Variants in XRCC4 observed in about 807,000 individuals in gnomAD.
XRCC4 encodes X-ray repair cross complementing 4, also known as DNA repair protein XRCC4.
A neutral mutation model predicts 39.1 loss-of-function variants in XRCC4; 28 were observed. The observed-to-expected ratio is 0.72, with a 90% CI of 0.53 to 0.98. XRCC4 has a LOEUF of 0.98. XRCC4 is among the 50% of genes least tolerant of loss of function. The pLI, the probability that XRCC4 is intolerant of heterozygous loss-of-function variation, is 0.00. For synonymous variants in XRCC4, 123 were observed against 126.4 expected (o/e 0.97, Z 0.18); for missense variants, 350 against 376.4 (o/e 0.93, Z 0.58).
At chr5:83,104,154 G>A (rs142908397) in intron 1 of XRCC4, among the ~76,000 whole-genome samples, 352 of 152,242 alleles carry the variant, frequency 2.3e-3, no homozygotes, top group Middle Eastern at 6.8e-3. Context: ...TGTCTCAGTG[G>A]ATAGGGTGTT....
intron 7 of XRCC4, among the ~76,000 whole-genome samples, chr5:83,341,737 C>A (rs1026092274): frequency 1.3e-5 from 2 of 152,106 alleles, no homozygotes; most frequent in East Asian, 3.8e-4. Context: ...GCTCCATTAC[C>A]GACTTGACTG....
intron 6 of XRCC4, among the ~76,000 whole-genome samples, chr5:83,212,432 G>T (rs1349936184): frequency 2.0e-5 from 3 of 151,980 alleles, no homozygotes; most frequent in African/African-American, 7.2e-5. Flanking sequence ...GAGCAAAAAA[G>T]ATGGAAGAGA....
chr5:83,326,112 C>A (rs1417984729), intron 7 of XRCC4, among the ~76,000 whole-genome samples: 1 of 151,952 alleles, frequency 6.6e-6, no homozygotes, highest in Non-Finnish European at 1.5e-5. Context: ...TGTTTCTTCC[C>A]TGTAAATGTG....
At chr5:83,132,353 T>C (rs952270224) in intron 3 of XRCC4, among the ~76,000 whole-genome samples, 15 of 152,104 alleles carry the variant, frequency 9.9e-5, no homozygotes, top group African/African-American at 3.6e-4. Context: ...CTGACAATTA[T>C]GTGTCTTGGT....
At chr5:83,323,974 G>A (rs1267822709) in intron 7 of XRCC4, among the ~76,000 whole-genome samples, 2 of 152,050 alleles carry the variant, frequency 1.3e-5, no homozygotes, top group Non-Finnish European at 2.9e-5. Context: ...GTTTATATCA[G>A]TTTCACTTCA....
chr5:83,270,058 G>C (rs757778291), intron 7 of XRCC4, among the ~76,000 whole-genome samples: 1 of 152,110 alleles, frequency 6.6e-6, no homozygotes, highest in South Asian at 2.1e-4. Context: ...AGACAGTGAC[G>C]GATTAGCAGG....
chr5:83,212,825 G>A (rs1033511274), intron 6 of XRCC4, among the ~76,000 whole-genome samples: 5 of 151,610 alleles, frequency 3.3e-5, no homozygotes, highest in Non-Finnish European at 1.5e-5. Context: ...TAGTTGGAAG[G>A]CTGAGGCAGG....
intron 7 of XRCC4, among the ~76,000 whole-genome samples, chr5:83,295,764 C>T (rs1755073206): frequency 6.6e-6 from 1 of 151,870 alleles, no homozygotes; most frequent in Non-Finnish European, 1.5e-5. Context: ...GCCTATCTAG[C>T]ATGGAGAGGT....
intron 6 of XRCC4, among the ~76,000 whole-genome samples, chr5:83,211,057 A>G (rs1159708980): frequency 2.0e-5 from 3 of 152,222 alleles, no homozygotes; most frequent in African/African-American, 7.2e-5. Flanking sequence ...CTTTACCCCC[A>G]AATCAACTAT....
chr5:83,116,635 TTTTTG>T, intron 3 of XRCC4, among the ~76,000 whole-genome samples: 1 of 113,318 alleles, frequency 8.8e-6, no homozygotes, highest in Admixed American at 1.0e-4. Flanking sequence ...TTTTTTTTTT[TTTTTG>T]AGATGGAGCC....
intron 7 of XRCC4, among the ~76,000 whole-genome samples, chr5:83,341,026 C>T (rs116470653): frequency 0.018 from 2,800 of 152,024 alleles, 79 homozygotes; most frequent in African/African-American, 0.064. Context: ...GTTTTCTCAG[C>T]GAAGAAGGTA....
the XRCC4 span, among the ~76,000 whole-genome samples, chr5:83,361,788 AT>A: frequency 2.0e-5 from 3 of 151,762 alleles, no homozygotes; most frequent in Non-Finnish European, 4.4e-5. Flanking sequence ...TGCCCAGCTA[AT>A]TTTTGTATTT....
chr5:83,263,012 A>C (rs905459732), intron 7 of XRCC4, among the ~76,000 whole-genome samples: 4 of 104,140 alleles, frequency 3.8e-5, no homozygotes, highest in Non-Finnish European at 7.4e-5. Context: ...ACCCCACCAC[A>C]GTCCCCAGAG....
At chr5:83,258,193 A>T (rs1753618861) in intron 6 of XRCC4, among the ~76,000 whole-genome samples, 1 of 152,166 alleles carries the variant, frequency 6.6e-6, no homozygotes, top group South Asian at 2.1e-4. Context: ...ATAATAAAAA[A>T]AAACTATGCA....
chr5:83,114,997 A>G (rs1746640541), intron 3 of XRCC4, among the ~76,000 whole-genome samples: 1 of 152,170 alleles, frequency 6.6e-6, no homozygotes, highest in Admixed American at 6.5e-5. Flanking sequence ...GCAAGAGAGC[A>G]TGTGCAGGGG....
At chr5:83,158,948 G>C (rs1322383733) in intron 3 of XRCC4, among the ~76,000 whole-genome samples, 1 of 152,080 alleles carries the variant, frequency 6.6e-6, no homozygotes, top group Non-Finnish European at 1.5e-5. Context: ...TTTGAACTGT[G>C]CTACTATGAG....
Position 83,177,003 on chromosome 5 carries a change from A to G in XRCC4, c.316-18767A>G, listed in dbSNP as rs192191089. ...AAATTATTAAAATATTTGTTTCTTA[A>G]TATTATAAATAAAGCAGTAATATTA... On this transcript the variant is annotated intron_variant, in intron 3 of 7. Coordinates refer to ENST00000396027, the MANE Select transcript of XRCC4 (RefSeq NM_003401.5). Among the ~76,000 whole-genome samples the G allele has an allele frequency of 4.6e-5, 7 of 152,280 alleles. No homozygotes were observed. The East Asian group carries it at 7.7e-4, about 17-fold the overall frequency.
At chr5:83,101,712 C>T (rs751375495) in intron 1 of XRCC4, among the ~76,000 whole-genome samples, 10 of 152,036 alleles carry the variant, frequency 6.6e-5, no homozygotes, top group Non-Finnish European at 1.2e-4. Context: ...GCTTGTCCTG[C>T]TCAACATTTT....
At position 83,288,415 on chromosome 5, in the gene XRCC4, A is replaced by G. The variant is rs527714221; in HGVS notation, c.893+29738A>G. Among the ~76,000 whole-genome samples the G allele has an allele frequency of 5.9e-5, 9 of 151,964 alleles. No homozygotes were observed. The East Asian group carries it at 7.7e-4, about 13-fold the overall frequency. Reference sequence around the variant, plus strand: ...TTTGTCTTATTCACCTTTCACTTCTATCAGTTTTGCCTTGTGTATTTTGAC... The same window carrying G: ...TTTGTCTTATTCACCTTTCACTTCTGTCAGTTTTGCCTTGTGTATTTTGAC... On this transcript the variant is annotated intron_variant, in intron 7 of 7. Transcript: ENST00000396027.
Sources: allele counts gnomAD v4.1 joint callset (sites outside exome capture counted in the v4.1 genomes callset), GRCh38; gene constraint gnomAD v4.1.1; transcripts MANE v1.5; gene names NCBI Gene and HGNC (gene_info 2026-07-23, HGNC 2026-07-21).